Variants in AFAP1L2 observed in about 807,000 individuals in gnomAD.
The protein encoded by AFAP1L2 is actin filament-associated protein 1-like 2.
In AFAP1L2, 46 loss-of-function variants were observed where a neutral mutation model predicts 99.3. The ratio of observed to expected loss-of-function variants is 0.46; its 90% CI spans 0.37 to 0.59. AFAP1L2 has a LOEUF of 0.59. Among genes scored for constraint, AFAP1L2 ranks in the 20% least tolerant of loss-of-function variants. The probability of loss-of-function intolerance (pLI) is 0.00; values close to 1 mark genes in which losing one functional copy is unlikely to be tolerated. For synonymous variants in AFAP1L2, 397 were observed against 419.1 expected (o/e 0.95, Z 0.64); for missense variants, 959 against 1,034.9 (o/e 0.93, Z 1.01).
At chr10:114,313,060 GGGT>G (rs2043507657) in intron 7 of AFAP1L2, among the ~76,000 whole-genome samples, 2 of 152,036 alleles carry the variant, frequency 1.3e-5, no homozygotes, top group Admixed American at 1.3e-4. Context: ...AGGTGGAGTG[GGGT>G]GGGGTGCGGG....
rs373295659 is a variant in AFAP1L2, at chr10:114,304,820, G to A, written c.1183C>T (p.Pro395Ser). The A allele has an allele frequency of 1.9e-6, 3 of 1,613,472 alleles. No homozygotes were observed. The highest frequency in any genetic ancestry group is 1.1e-5 in the South Asian group (1 of 91,086). Residue 395 changes from proline (P) to serine (S), a missense_variant, in exon 11 of 19, where the codon CCC (proline) becomes TCC (serine). Pro to Ser is a moderately conservative substitution (Grantham distance 74). Transcript: ENST00000304129. ...ACCTCGCAGCCCACCAGGCTGAGGG[G>A]TTGCTGGGCCACCTTGCTCCGGTTC... ...DRNRSKVAQQ[P>S]LSLVGCEVVP... is the part of the protein sequence containing the mutation.
chr10:114,360,522 T>TAGATAGATAGAC, intron 1 of AFAP1L2, among the ~76,000 whole-genome samples: 1 of 148,482 alleles, frequency 6.7e-6, no homozygotes, highest in South Asian at 2.1e-4. Flanking sequence ...GATAGATAGA[T>TAGATAGATAGAC]AGATAGATAG....
chr10:114,404,260 G>C (rs958031158), intron 1 of AFAP1L2, among the ~76,000 whole-genome samples, 180 bp downstream of exon 1: 1 of 152,166 alleles, frequency 6.6e-6, no homozygotes, highest in African/African-American at 2.4e-5. Flanking sequence ...AGCCACCTAG[G>C]AGCCCACCCG....
intron 1 of AFAP1L2, among the ~76,000 whole-genome samples, chr10:114,342,482 C>A (rs924562272): frequency 6.6e-6 from 1 of 152,214 alleles, no homozygotes; most frequent in South Asian, 2.1e-4. Context: ...TGCTACTTGA[C>A]GTGGCAAAGG....
intron 1 of AFAP1L2, among the ~76,000 whole-genome samples, chr10:114,353,202 T>G (rs531258496): frequency 4.6e-5 from 7 of 152,294 alleles, no homozygotes; most frequent in Middle Eastern, 3.4e-3. Flanking sequence ...GGGGTTGAGC[T>G]GCTAGAATGT....
intron 6 of AFAP1L2, 71 bp from the exon 7 acceptor site, chr10:114,314,121 G>T (rs2043729485): frequency 3.9e-5 from 59 of 1,497,534 alleles, no homozygotes; most frequent in Middle Eastern, 1.8e-4. Flanking sequence ...GCAAAGGAGG[G>T]GCCGCTGGAC....
chr10:114,305,703 G>T (rs2042181888), intron 10 of AFAP1L2, among the ~76,000 whole-genome samples: 1 of 115,706 alleles, frequency 8.6e-6, no homozygotes, highest in Non-Finnish European at 1.8e-5. Flanking sequence ...GAGGGAGCGG[G>T]GCTGGAGGGG....
the AFAP1L2 span, chr10:114,289,790 TC>T: frequency 2.3e-6 from 1 of 435,670 alleles, no homozygotes; most frequent in South Asian, 2.4e-5. Flanking sequence ...TTCCTAAGGG[TC>T]TAAAGATCCC....
chr10:114,345,957 A>G (rs543554459), intron 1 of AFAP1L2, among the ~76,000 whole-genome samples: 121 of 151,660 alleles, frequency 8.0e-4, no homozygotes, highest in Middle Eastern at 7.0e-3. Flanking sequence ...GAGACGTGGA[A>G]AGCCATCAGA....
the AFAP1L2 span, chr10:114,284,954 AG>A: frequency 2.4e-5 from 38 of 1,601,052 alleles, no homozygotes; most frequent in East Asian, 7.0e-4. Flanking sequence ...TGGCCTTTGG[AG>A]GGGAGGCTAA....
chr10:114,296,198 T>G (rs1589888664), intron 18 of AFAP1L2, 130 bp from the exon 19 acceptor site: 1 of 1,299,600 alleles, frequency 7.7e-7, no homozygotes, highest in East Asian at 2.3e-5. Flanking sequence ...GATAAATGTT[T>G]CAAACCCTGT....
At chr10:114,386,119 T>C (rs1251734293) in intron 1 of AFAP1L2, among the ~76,000 whole-genome samples, 1 of 152,116 alleles carries the variant, frequency 6.6e-6, no homozygotes, top group African/African-American at 2.4e-5. Flanking sequence ...GTGAGACAGG[T>C]AAGTTAAGGT....
intron 5 of AFAP1L2, among the ~76,000 whole-genome samples, chr10:114,322,792 T>G (rs2045586961): frequency 6.6e-6 from 1 of 152,234 alleles, no homozygotes; most frequent in African/African-American, 2.4e-5. Context: ...TGACCGCCAC[T>G]TCCATTGCTG....
chr10:114,285,820 G>A, the AFAP1L2 span: 2 of 1,143,588 alleles, frequency 1.7e-6, no homozygotes, highest in Non-Finnish European at 1.2e-6. Flanking sequence ...CTTAAGCTTG[G>A]GGGGCCCACA....
intron 1 of AFAP1L2, among the ~76,000 whole-genome samples, chr10:114,391,843 G>C (rs1455884858): frequency 6.6e-6 from 1 of 152,186 alleles, no homozygotes; most frequent in Non-Finnish European, 1.5e-5. Context: ...TATGACTGTG[G>C]CATAGAGCCA....
At chr10:114,292,352 T>C (rs2039681281), downstream of AFAP1L2, among the ~76,000 whole-genome samples, 1 of 152,112 alleles carries the variant, frequency 6.6e-6, no homozygotes, top group African/African-American at 2.4e-5. Flanking sequence ...CTCCTTTTAG[T>C]GGGGCAAAGA....
In AFAP1L2 at chr10:114,325,547, G is replaced by A. The variant is rs996765125; in HGVS notation, c.316-2286C>T. ...TCTGGCATGTGGCACCCCCTACAAA[G>A]AAAGGAATCAAAGAATTTGGTCACT... On this transcript the variant is annotated intron_variant, in intron 4 of 18. Coordinates refer to ENST00000304129, the MANE Select transcript of AFAP1L2 (RefSeq NM_001001936.3). Among the ~76,000 whole-genome samples the A allele has an allele frequency of 3.3e-5, 5 of 152,206 alleles. No homozygotes were observed. In the South Asian group the frequency reaches 6.2e-4, roughly 19 times the overall value.
At chr10:114,286,392 G>A in the AFAP1L2 span, 12 of 1,613,882 alleles carry the variant, frequency 7.4e-6, no homozygotes, top group South Asian at 4.4e-5. Flanking sequence ...GAGGCCGTGC[G>A]GGCAGAGCTG....
At chr10:114,401,183 A>G (rs1172517468) in intron 1 of AFAP1L2, among the ~76,000 whole-genome samples, 1 of 152,200 alleles carries the variant, frequency 6.6e-6, no homozygotes, top group Non-Finnish European at 1.5e-5. Context: ...CTTTCAACCA[A>G]TTACTGTGAT....
Sources: allele counts gnomAD v4.1 joint callset (sites outside exome capture counted in the v4.1 genomes callset), GRCh38; gene constraint gnomAD v4.1.1; transcripts MANE v1.5; gene names NCBI Gene and HGNC (gene_info 2026-07-23, HGNC 2026-07-21).